Variants in ROBO1 observed in about 807,000 individuals in gnomAD.
The protein encoded by ROBO1 is roundabout guidance receptor 1.
A neutral mutation model predicts 195.9 loss-of-function variants in ROBO1; 149 were observed. The observed-to-expected ratio is 0.76, with a 90% CI of 0.67 to 0.87. The LOEUF is 0.87. Among genes scored for constraint, ROBO1 ranks in the 40% least tolerant of loss-of-function variants. The probability of loss-of-function intolerance (pLI) is 0.00; values close to 1 mark genes in which losing one functional copy is unlikely to be tolerated. For synonymous variants in ROBO1, 816 were observed against 733.2 expected, an observed-to-expected ratio of 1.11 and a Z score of -1.82; for missense variants, 1,933 against 2,068.3, an observed-to-expected ratio of 0.93 and a Z score of 1.27.
At chr3:79,328,986 G>A (rs1037949054) in intron 2 of ROBO1, among the ~76,000 whole-genome samples, 4 of 152,084 alleles carry the variant, frequency 2.6e-5, no homozygotes, top group African/African-American at 7.3e-5. Flanking sequence ...GATAGAAGGC[G>A]TCATAAAAGA....
chr3:78,839,209 G>C (rs2032986637), intron 4 of ROBO1, among the ~76,000 whole-genome samples: 1 of 151,950 alleles, frequency 6.6e-6, no homozygotes, highest in Non-Finnish European at 1.5e-5. Flanking sequence ...TTGATCGCTA[G>C]AATATTTGAT....
intron 29 of ROBO1, 71 bp from the exon 30 acceptor site, chr3:78,600,380 G>A (rs1703103688): frequency 1.0e-6 from 1 of 972,084 alleles, no homozygotes; most frequent in Non-Finnish European, 1.6e-6. Context: ...TATCACTCCT[G>A]TCTATCTGTA....
At chr3:79,674,191 A>C (rs1330265384) in intron 1 of ROBO1, among the ~76,000 whole-genome samples, 1 of 152,060 alleles carries the variant, frequency 6.6e-6, no homozygotes, top group Non-Finnish European at 1.5e-5. Flanking sequence ...CAATTGAGAC[A>C]CACAGTTCTG....
At chr3:79,705,166 G>A (rs1041661610) in intron 1 of ROBO1, among the ~76,000 whole-genome samples, 3 of 151,758 alleles carry the variant, frequency 2.0e-5, no homozygotes, top group African/African-American at 7.3e-5. Context: ...CTTTTGCAGA[G>A]CATAATTTTT....
intron 2 of ROBO1, among the ~76,000 whole-genome samples, chr3:79,440,878 A>G (rs1392199345): frequency 6.6e-6 from 1 of 152,142 alleles, no homozygotes; most frequent in Non-Finnish European, 1.5e-5. Context: ...TTCGGATGCC[A>G]TCAAATGGAT....
intron 4 of ROBO1, among the ~76,000 whole-genome samples, chr3:78,894,926 C>T (rs889490723): frequency 4.6e-5 from 7 of 152,234 alleles, no homozygotes; most frequent in African/African-American, 1.7e-4. Context: ...ACAAAGCTAT[C>T]TATTGCAGTG....
chr3:78,746,348 TAAA>T (rs1420562172), intron 5 of ROBO1, among the ~76,000 whole-genome samples: 1 of 152,076 alleles, frequency 6.6e-6, no homozygotes, highest in Non-Finnish European at 1.5e-5. Context: ...GAAAAAAACA[TAAA>T]AACATCCTGA....
intron 1 of ROBO1, among the ~76,000 whole-genome samples, chr3:79,606,962 G>A (rs767727250): frequency 3.3e-5 from 5 of 151,798 alleles, no homozygotes; most frequent in African/African-American, 7.3e-5. Flanking sequence ...GTAAGTCCCC[G>A]CTATTAGGGC....
intron 1 of ROBO1, among the ~76,000 whole-genome samples, chr3:79,595,348 A>C (rs773236461): frequency 6.6e-6 from 1 of 152,066 alleles, no homozygotes; most frequent in Non-Finnish European, 1.5e-5. Flanking sequence ...CAAAGTCAAA[A>C]GCATTTCTTT....
At chr3:79,525,571 T>A (rs976849463) in intron 2 of ROBO1, among the ~76,000 whole-genome samples, 1 of 147,858 alleles carries the variant, frequency 6.8e-6, no homozygotes, top group Admixed American at 6.8e-5. Flanking sequence ...TATATATATT[T>A]TTTTTGGTAT....
At chr3:79,340,494 G>C (rs1198521773) in intron 2 of ROBO1, among the ~76,000 whole-genome samples, 2 of 152,184 alleles carry the variant, frequency 1.3e-5, no homozygotes, top group Admixed American at 1.3e-4. Flanking sequence ...GAGTGGATGT[G>C]ATGGTGGGCT....
intron 4 of ROBO1, among the ~76,000 whole-genome samples, chr3:78,817,619 G>GA (rs570055389): frequency 1.3e-3 from 191 of 152,004 alleles, no homozygotes; most frequent in Non-Finnish European, 1.7e-3. Flanking sequence ...CTTATGAGAA[G>GA]AAAAAAATCA....
At chr3:79,665,238 T>C (rs1454708652) in intron 1 of ROBO1, among the ~76,000 whole-genome samples, 1 of 151,924 alleles carries the variant, frequency 6.6e-6, no homozygotes, top group East Asian at 1.9e-4. Context: ...AAATCAAGAA[T>C]TAAATTTTAT....
chr3:78,731,858 T>G (rs1262582454), intron 5 of ROBO1, among the ~76,000 whole-genome samples: 1 of 152,066 alleles, frequency 6.6e-6, no homozygotes, highest in Non-Finnish European at 1.5e-5. Flanking sequence ...CTTCCTGCAG[T>G]ACACGAAAAA....
intron 2 of ROBO1, among the ~76,000 whole-genome samples, chr3:79,391,685 T>TA (rs2036957052): frequency 6.6e-6 from 1 of 152,182 alleles, no homozygotes; most frequent in Non-Finnish European, 1.5e-5. Flanking sequence ...ATTTTTATAG[T>TA]ATGAATTTTA....
intron 2 of ROBO1, among the ~76,000 whole-genome samples, chr3:79,154,709 G>T (rs1028619959): frequency 4.6e-5 from 7 of 150,638 alleles, no homozygotes; most frequent in Non-Finnish European, 7.4e-5. Context: ...TGTAAAAAAT[G>T]AAAAAAAAGG....
chr3:79,543,539 C>T (rs149695822), intron 2 of ROBO1, among the ~76,000 whole-genome samples: 14 of 152,140 alleles, frequency 9.2e-5, no homozygotes, highest in Non-Finnish European at 1.8e-4. Flanking sequence ...AACGGATCAT[C>T]CGAGCAGCAT....
chr3:78,765,456 T>G (rs1350191981), intron 4 of ROBO1, among the ~76,000 whole-genome samples: 1 of 151,976 alleles, frequency 6.6e-6, no homozygotes, highest in Non-Finnish European at 1.5e-5. Flanking sequence ...GCAACCTCAG[T>G]TGATTAAGAA....
At chr3:78,994,284 A>G (rs1359687001) in intron 3 of ROBO1, among the ~76,000 whole-genome samples, 2 of 152,186 alleles carry the variant, frequency 1.3e-5, no homozygotes, top group Non-Finnish European at 2.9e-5. Flanking sequence ...AAAGGGCTGT[A>G]TCAGATTACC....
Sources: gnomAD v4.1 joint callset for allele counts (sites outside exome capture counted in the v4.1 genomes callset) on GRCh38, gnomAD v4.1.1 for gene constraint, MANE v1.5 for transcripts, NCBI Gene and HGNC (gene_info 2026-07-23, HGNC 2026-07-21) for gene names.